STRBP: variants seen among roughly 807,000 people sequenced by gnomAD.
The protein encoded by STRBP is spermatid perinuclear RNA binding protein, also known as spermatid perinuclear RNA-binding protein.
In STRBP, 13 loss-of-function variants were observed where a neutral mutation model predicts 80.1. The ratio of observed to expected loss-of-function variants is 0.16; its 90% confidence interval spans 0.11 to 0.26. STRBP has a LOEUF of 0.26. Among genes scored for constraint, STRBP ranks in the 10% least tolerant of loss-of-function variants. The probability of loss-of-function intolerance (pLI) is 1.00; values close to 1 mark genes in which losing one functional copy is unlikely to be tolerated. For synonymous variants in STRBP, 284 were observed against 291.2 expected (o/e 0.98, Z 0.25); for missense variants, 485 against 815.2 (o/e 0.59, Z 4.93).
intron 2 of STRBP, among the ~76,000 whole-genome samples, chr9:123,235,216 A>C (rs1470470041): frequency 6.6e-6 from 1 of 152,070 alleles, no homozygotes; most frequent in African/African-American, 2.4e-5. Context: ...AGAAGGCCAA[A>C]ATTTTGCATG....
At chr9:123,186,031 C>CAAAA (rs745615075) in intron 2 of STRBP, among the ~76,000 whole-genome samples, 2 of 110,774 alleles carry the variant, frequency 1.8e-5, no homozygotes, top group African/African-American at 7.3e-5. Flanking sequence ...GACTCCGTCT[C>CAAAA]AAAAAAAAAA....
chr9:123,129,932 AGAG>A (rs1353689392), intron 17 of STRBP, among the ~76,000 whole-genome samples: 1 of 152,230 alleles, frequency 6.6e-6, no homozygotes, highest in Non-Finnish European at 1.5e-5. Flanking sequence ...AGCAGTAGGA[AGAG>A]GAGACAGATC....
intron 6 of STRBP, among the ~76,000 whole-genome samples, chr9:123,165,876 GA>G (rs2037737012): frequency 6.6e-6 from 1 of 152,144 alleles, no homozygotes; most frequent in African/African-American, 2.4e-5. Context: ...CATATGTGAG[GA>G]AGTGCTTATC....
At chr9:123,233,571 GAT>G (rs1210297051) in intron 2 of STRBP, among the ~76,000 whole-genome samples, 4 of 152,220 alleles carry the variant, frequency 2.6e-5, no homozygotes, top group African/African-American at 4.8e-5. Context: ...GTTAATGAAA[GAT>G]AATGTTAATT....
chr9:123,135,868 G>T, intron 16 of STRBP, 173 bp downstream of exon 16: 1 of 675,894 alleles, frequency 1.5e-6, no homozygotes, highest in Non-Finnish European at 2.4e-6. Flanking sequence ...CATAGAACAT[G>T]AAACCACTAA....
chr9:123,231,441 A>T (rs1311878779), intron 2 of STRBP, among the ~76,000 whole-genome samples: 2 of 152,214 alleles, frequency 1.3e-5, no homozygotes, highest in African/African-American at 4.8e-5. Context: ...TAAAACATAT[A>T]AGCGCAATTT....
At chr9:123,187,977 A>G (rs1234249929) in intron 2 of STRBP, among the ~76,000 whole-genome samples, 1 of 152,048 alleles carries the variant, frequency 6.6e-6, no homozygotes, top group Non-Finnish European at 1.5e-5. Context: ...AAATAGTTTT[A>G]GTTTAACACC....
At chr9:123,190,285 G>GAAAAAAAAAAAA (rs1231552691) in intron 2 of STRBP, among the ~76,000 whole-genome samples, 1 of 81,758 alleles carries the variant, frequency 1.2e-5, no homozygotes, top group African/African-American at 3.7e-5. Flanking sequence ...ATCTCAGAAA[G>GAAAAAAAAAAAA]AAAAAAAAAA....
At chr9:123,112,214 C>T (rs1407680646) in intron 3 of STRBP, 1 of 166,940 alleles carries the variant, frequency 6.0e-6, no homozygotes, top group African/African-American at 2.4e-5. Context: ...TGTGGCTGGT[C>T]CCGCCTCGTC....
chr9:123,253,891 T>C (rs1390363832), intron 1 of STRBP, among the ~76,000 whole-genome samples: 1 of 152,188 alleles, frequency 6.6e-6, no homozygotes, highest in Non-Finnish European at 1.5e-5. Context: ...CTTAAAAACT[T>C]TTCAAACTGC....
intron 1 of STRBP, among the ~76,000 whole-genome samples, chr9:123,258,333 T>C (rs976102477): frequency 6.6e-6 from 1 of 152,070 alleles, no homozygotes; most frequent in Non-Finnish European, 1.5e-5. Flanking sequence ...ATGGGAAAGG[T>C]TGGGTAAGGA....
intron 2 of STRBP, among the ~76,000 whole-genome samples, chr9:123,186,843 A>G (rs1324852562): frequency 7.2e-6 from 1 of 139,074 alleles, no homozygotes. Context: ...AAAAAAAAAA[A>G]GGTCAACCTA....
Position 123,110,796 on chromosome 9 carries a change from T to C in STRBP, c.*85-1043A>G, listed in dbSNP as rs1564201788. On this transcript the variant is annotated intron_variant and NMD_transcript_variant, in intron 3 of 3. Transcript: ENST00000471564. This position sits in a 1 kb window ranked among gnomAD's most constrained non-coding sequence, Gnocchi z 4.1. The stretch of plus-strand genomic sequence containing the variant: ...GGCTCCCCAGTAACATTTCTAAAAA[T>C]GAGCCCTCCTCCCTCGGAAAGGTAG... The C allele has an allele frequency of 5.9e-6, 1 of 169,330 alleles. No homozygotes were observed. 10.5% of individuals were successfully genotyped at this position (169,330 alleles called of 1,614,324 possible).
chr9:123,213,493 A>C (rs895807588), intron 2 of STRBP: 1 of 152,244 alleles, frequency 6.6e-6, no homozygotes, highest in Non-Finnish European at 1.5e-5. Context: ...CTTTTACATG[A>C]ATTACTTCAT....
In STRBP at chr9:123,160,457, C is replaced by T; in HGVS notation, c.633G>A (p.Arg211=). Residue 211 remains arginine, a synonymous_variant, in exon 8 of 19, where the codon AGG becomes AGA. Coordinates refer to ENST00000348403, the MANE Select transcript of STRBP (RefSeq NM_018387.5). The part of the protein sequence containing the change: ...SLRHAKWFQA[R]ANGLKSCVIV... ...TTACACATGATTTTAATCCATTTGC[C>T]CTTGCCTAAAACAAACAAAATGATT... The T allele has an allele frequency of 1.3e-6, 2 of 1,591,754 alleles. No homozygotes were observed. Among genetic ancestry groups the T allele is most frequent in the East Asian group, 2.3e-5 (1 of 44,320 alleles).
chr9:123,184,347 C>G, intron 2 of STRBP, 49 bp from the exon 3 acceptor site: 1 of 437,980 alleles, frequency 2.3e-6, no homozygotes, highest in Non-Finnish European at 4.1e-6. Context: ...TTACTATTAG[C>G]TTCCAATATG....
chr9:123,210,093 G>A (rs1407580225), intron 2 of STRBP, among the ~76,000 whole-genome samples: 3 of 152,146 alleles, frequency 2.0e-5, no homozygotes, highest in African/African-American at 4.8e-5. Flanking sequence ...TGGTATATTC[G>A]AAAATGCTTC....
exon 4 of STRBP, chr9:123,109,657 G>C (rs1203331014): frequency 1.3e-5 from 2 of 152,284 alleles, no homozygotes; most frequent in African/African-American, 4.8e-5. Flanking sequence ...GCTGCCTGGA[G>C]GACTTGTGGC....
intron 2 of STRBP, among the ~76,000 whole-genome samples, chr9:123,225,899 G>GT (rs2040220724): frequency 6.6e-6 from 1 of 152,126 alleles, no homozygotes. Context: ...CAGTTTGGTG[G>GT]TTTTTTATAA....
Sources: allele counts gnomAD v4.1 joint callset (sites outside exome capture counted in the v4.1 genomes callset), GRCh38; gene constraint gnomAD v4.1.1; non-coding constraint Gnocchi (gnomAD v3.1); transcripts MANE v1.5; gene names NCBI Gene and HGNC (gene_info 2026-07-23, HGNC 2026-07-21).